EYS: variants seen among roughly 807,000 people sequenced by gnomAD.
EYS encodes the protein EGF-like photoreceptor maintenance factor, also known as protein eyes shut homolog.
Under a neutral mutation model 282.1 loss-of-function variants are expected in EYS, and 250 were observed. That is an observed-to-expected ratio of 0.89 (90% CI 0.80 to 0.98). The LOEUF (loss-of-function observed/expected upper bound fraction) is 0.98, where lower values mean the gene tolerates loss of function less well. Among genes scored for constraint, EYS ranks in the 50% least tolerant of loss-of-function variants. The pLI is 0.00. For missense variants in EYS, 4,016 were observed against 3,709.0 expected, an observed-to-expected ratio of 1.08 and a Z score of -2.15; for synonymous variants, 1,355 against 1,282.9, an observed-to-expected ratio of 1.06 and a Z score of -1.20.
chr6:65,546,321 A>AT (rs111400363), intron 2 of EYS, among the ~76,000 whole-genome samples: 38 of 148,170 alleles, frequency 2.6e-4, no homozygotes, highest in East Asian at 1.4e-3. Context: ...TCAGCCTATA[A>AT]TTTTTTTTTT....
rs886330218 is a variant in EYS at position 63,938,116 on chromosome 6, C to G, written c.7055+46267G>C. Among the ~76,000 whole-genome samples, 2 of 152,168 alleles carry G rather than the reference C, an allele frequency of 1.3e-5. 1 individual carries two copies. The highest frequency in any genetic ancestry group is 4.1e-4 in the South Asian group (2 of 4,832). On this transcript the variant is annotated intron_variant, in intron 35 of 42. Coordinates refer to ENST00000503581, the MANE Select transcript of EYS (RefSeq NM_001142800.2). ...TAGAACAACCAATAAAATTAGATTTCTGAACTCTGCACAGATGAAGATGAG... is the reference window on the plus strand; with the variant it reads ...TAGAACAACCAATAAAATTAGATTTGTGAACTCTGCACAGATGAAGATGAG...
At chr6:65,102,813 T>C (rs1774931688) in intron 12 of EYS, among the ~76,000 whole-genome samples, 1 of 151,310 alleles carries the variant, frequency 6.6e-6, no homozygotes, top group Non-Finnish European at 1.5e-5. Context: ...TACAAAGATA[T>C]AGTTTAACAA....
intron 22 of EYS, among the ~76,000 whole-genome samples, chr6:64,742,233 G>T (rs1012409678): frequency 2.0e-5 from 3 of 152,148 alleles, no homozygotes; most frequent in African/African-American, 7.2e-5. Flanking sequence ...CTAAAGAAGA[G>T]CGAGTTTGTG....
intron 2 of EYS, among the ~76,000 whole-genome samples, chr6:65,558,013 A>AT (rs1562258160): frequency 6.6e-6 from 1 of 152,134 alleles, no homozygotes; most frequent in African/African-American, 2.4e-5. Flanking sequence ...AAAAAGTACC[A>AT]TAAGTTCTCA....
At chr6:65,021,412 T>C (rs1772249863) in intron 13 of EYS, among the ~76,000 whole-genome samples, 1 of 152,174 alleles carries the variant, frequency 6.6e-6, no homozygotes, top group South Asian at 2.1e-4. Flanking sequence ...GTTCCTCATC[T>C]CCATATGAGA....
intron 2 of EYS, among the ~76,000 whole-genome samples, chr6:65,572,747 G>C (rs1390017408): frequency 6.6e-6 from 1 of 152,046 alleles, no homozygotes; most frequent in Non-Finnish European, 1.5e-5. Flanking sequence ...GCATTTCTCA[G>C]AATGTGTACC....
intron 2 of EYS, among the ~76,000 whole-genome samples, chr6:65,558,337 C>T (rs1454430560): frequency 6.6e-6 from 1 of 152,238 alleles, no homozygotes; most frequent in Non-Finnish European, 1.5e-5. Flanking sequence ...GCACAGCAGG[C>T]TGGCTTATGA....
intron 26 of EYS, among the ~76,000 whole-genome samples, chr6:64,455,218 G>A (rs1243741487): frequency 6.6e-6 from 1 of 151,848 alleles, no homozygotes; most frequent in Non-Finnish European, 1.5e-5. Flanking sequence ...ACCCAAACAC[G>A]TTTATTTTTA....
chr6:65,109,253 C>T (rs1227573629), intron 12 of EYS, among the ~76,000 whole-genome samples: 1 of 151,732 alleles, frequency 6.6e-6, no homozygotes. Context: ...TCTTGATTTT[C>T]CTTTCTCTTG....
rs532772790 is a variant in EYS, at chr6:64,753,428, T to A, written c.3443+59950A>T. On this transcript the variant is annotated intron_variant, in intron 22 of 42. Transcript: ENST00000503581. The stretch of plus-strand genomic sequence containing the variant: ...CAAGGTAAAGGGGTGGAAAAAGATA[T>A]GCCAATGGAAACCAAAAGAGAACAA... Among the ~76,000 whole-genome samples the A allele has an allele frequency of 2.7e-5, 4 of 150,408 alleles. No homozygotes were observed. In the South Asian group the frequency reaches 8.4e-4, roughly 32 times the overall value.
At chr6:65,369,330 T>TTATATATATATATAATATATATATATTTA (rs1765048238) in intron 8 of EYS, among the ~76,000 whole-genome samples, 1 of 138,314 alleles carries the variant, frequency 7.2e-6, no homozygotes, top group South Asian at 2.3e-4. Flanking sequence ...ATATATATAT[T>TTATATATATATATAATATATATATATTTA]TATATATATA....
chr6:64,509,819 A>T (rs1178647078), intron 26 of EYS, among the ~76,000 whole-genome samples: 1 of 152,190 alleles, frequency 6.6e-6, no homozygotes, highest in African/African-American at 2.4e-5. Context: ...AAAGAAAAAT[A>T]TAATTGCAAA....
intron 24 of EYS, among the ~76,000 whole-genome samples, chr6:64,614,356 G>A (rs890105711): frequency 2.0e-5 from 3 of 152,034 alleles, no homozygotes; most frequent in Admixed American, 1.3e-4. Context: ...TTTACGCAAT[G>A]CATCATGTGT....
rs568297227 is a variant in EYS, at chr6:64,601,461, C to T, written c.3685-8152G>A. Among the ~76,000 whole-genome samples the T allele has an allele frequency of 1.7e-4, 26 of 152,122 alleles. No homozygotes were observed. In the East Asian group the frequency reaches 4.4e-3, roughly 26 times the overall value. On this transcript the variant is annotated intron_variant, in intron 24 of 42. Coordinates refer to ENST00000503581, the MANE Select transcript of EYS (RefSeq NM_001142800.2). ...CATTACTCTATTGCTGAAGTCCTCC[C>T]TGATTTTTCATTATCTTCTATCTCA...
chr6:65,672,942 C>T (rs1768445023), intron 1 of EYS, among the ~76,000 whole-genome samples: 1 of 151,944 alleles, frequency 6.6e-6, no homozygotes. Context: ...AAGGGGGTTG[C>T]TCTCTGGCAG....
rs181125881 is a variant in EYS, at chr6:65,178,061, T to C, written c.2023+117802A>G. Among the ~76,000 whole-genome samples the C allele has an allele frequency of 1.3e-4, 19 of 151,934 alleles. No individual in the cohort carries two copies. The East Asian group carries it at 2.7e-3, about 22-fold the overall frequency. Reference sequence around the variant, plus strand: ...AGACAAATGGGTAGGTGGGAGTGAATGTTCCAAGAAATGGGGTCAACTGCA... The same window carrying C: ...AGACAAATGGGTAGGTGGGAGTGAACGTTCCAAGAAATGGGGTCAACTGCA... On this transcript the variant is annotated intron_variant, in intron 12 of 42. Coordinates refer to ENST00000503581, the MANE Select transcript of EYS (RefSeq NM_001142800.2).
In EYS at chr6:64,945,901, A is replaced by G. The variant is rs1769273558; in HGVS notation, c.2273T>C (p.Val758Ala). ...CKDLHLSYQC[V>A]CLSDWEGNFC... ...ATTTCCTTCCCAATCAGATAGGCACACACACTGGTAGCTCTAAGAGAATAT... is the reference window on the plus strand; with the variant it reads ...ATTTCCTTCCCAATCAGATAGGCACGCACACTGGTAGCTCTAAGAGAATAT... The change falls in exon 15 of 43, where the codon GTG becomes GCG. Residue 758 changes from valine (V) to alanine (A), a missense_variant. By Grantham distance (64) the Val-to-Ala change is moderately conservative. Coordinates refer to ENST00000503581, the MANE Select transcript of EYS (RefSeq NM_001142800.2). 6.5e-7 allele frequency: 1 copy of G among 1,546,136 alleles called. No homozygotes were observed. The highest frequency in any genetic ancestry group is 1.4e-5 in the African/African-American group (1 of 72,822).
At chr6:64,925,797 C>T (rs908363587) in intron 15 of EYS, among the ~76,000 whole-genome samples, 9 of 152,088 alleles carry the variant, frequency 5.9e-5, no homozygotes, top group African/African-American at 2.2e-4. Context: ...CCCCACTTTG[C>T]CTCTGAGGAC....
chr6:65,411,218 T>C (rs1217483226), intron 5 of EYS, among the ~76,000 whole-genome samples: 6 of 152,022 alleles, frequency 3.9e-5, no homozygotes, highest in African/African-American at 7.2e-5. Flanking sequence ...ATGTTGAATA[T>C]AAAAATATAC....
Sources: allele counts gnomAD v4.1 joint callset (sites outside exome capture counted in the v4.1 genomes callset), GRCh38; gene constraint gnomAD v4.1.1; transcripts MANE v1.5; gene names NCBI Gene and HGNC (gene_info 2026-07-23, HGNC 2026-07-21).